Variants in DTL observed in about 807,000 individuals in gnomAD.
DTL encodes denticleless protein homolog.
DTL carries 46 observed loss-of-function variants against 87.0 expected under a neutral mutation model. The observed-to-expected ratio is 0.53, with a 90% CI of 0.42 to 0.68. The LOEUF is 0.68. Among genes scored for constraint, DTL ranks in the 30% least tolerant of loss-of-function variants. The pLI, the probability that DTL is intolerant of heterozygous loss-of-function variation, is 0.00. For synonymous variants in DTL, 308 were observed against 311.2 expected, an observed-to-expected ratio of 0.99 and a Z score of 0.11; for missense variants, 737 against 869.4, an observed-to-expected ratio of 0.85 and a Z score of 1.91.
chr1:212,064,066 A>AT (rs1654417532), intron 6 of DTL, among the ~76,000 whole-genome samples: 1 of 151,476 alleles, frequency 6.6e-6, no homozygotes, highest in Middle Eastern at 3.2e-3. Flanking sequence ...CTAGTTATGT[A>AT]TTTTTAGTAC....
chr1:212,045,797 A>C (rs1047809471), intron 3 of DTL, among the ~76,000 whole-genome samples: 1 of 152,218 alleles, frequency 6.6e-6, no homozygotes, highest in African/African-American at 2.4e-5. Context: ...GGAATAAGGT[A>C]TCGAGAACAG....
chr1:212,083,822 AAC>A (rs1655051527), intron 13 of DTL, among the ~76,000 whole-genome samples: 1 of 152,210 alleles, frequency 6.6e-6, no homozygotes, highest in Non-Finnish European at 1.5e-5. Flanking sequence ...TTACATGGTA[AAC>A]ACACAACCTT....
In DTL at chr1:212,088,594, T is replaced by A. The variant is rs569118775; in HGVS notation, c.1261+7844T>A. Among the ~76,000 whole-genome samples, 5 of 152,298 alleles carry A rather than the reference T, an allele frequency of 3.3e-5. No homozygotes were observed. In the South Asian group the frequency reaches 1.0e-3, roughly 32 times the overall value. On this transcript the variant is annotated intron_variant, in intron 13 of 14. Transcript: ENST00000366991. Reference sequence around the variant, plus strand: ...CTTCACAGTGGAGTTAACATTGTCATCAGAGCCTTGAAACATGAGAAGAAT... The same window carrying A: ...CTTCACAGTGGAGTTAACATTGTCAACAGAGCCTTGAAACATGAGAAGAAT...
At chr1:212,066,918 A>G (rs1654524056) in intron 8 of DTL, 33 bp downstream of exon 8, 1 of 1,556,350 alleles carries the variant, frequency 6.4e-7, no homozygotes, top group Non-Finnish European at 8.9e-7. Context: ...TTCCGACGAG[A>G]TCTTTTTTAT....
intron 11 of DTL, among the ~76,000 whole-genome samples, chr1:212,074,635 G>T (rs1172302385): frequency 6.6e-6 from 1 of 152,128 alleles, no homozygotes; most frequent in Non-Finnish European, 1.5e-5. Context: ...AGGTGGCTCA[G>T]TTTCTCTTTT....
intron 10 of DTL, among the ~76,000 whole-genome samples, chr1:212,071,047 G>A (rs754353404): frequency 1.3e-5 from 2 of 152,180 alleles, no homozygotes; most frequent in Non-Finnish European, 2.9e-5. Flanking sequence ...GTGATAATAG[G>A]TGTATACAAA....
chr1:212,064,816 C>A, intron 6 of DTL, 101 bp from the exon 7 acceptor site: 1 of 931,730 alleles, frequency 1.1e-6, no homozygotes, highest in Non-Finnish European at 1.7e-6. Context: ...CTAATTTCAC[C>A]AACTTGGTCA....
At chr1:212,072,328 G>A (rs1223775960) in intron 11 of DTL, 115 bp downstream of exon 11, 1 of 770,336 alleles carries the variant, frequency 1.3e-6, no homozygotes. Flanking sequence ...TCCTGCATCA[G>A]ATATTTAGTA....
At chr1:212,044,255 C>T (rs991035629) in intron 2 of DTL, among the ~76,000 whole-genome samples, 3 of 152,168 alleles carry the variant, frequency 2.0e-5, no homozygotes, top group Non-Finnish European at 4.4e-5. Context: ...CTCGATTTAG[C>T]CCTTCTCTAA....
intron 13 of DTL, among the ~76,000 whole-genome samples, chr1:212,086,876 A>G (rs1419101167): frequency 6.6e-6 from 1 of 152,154 alleles, no homozygotes; most frequent in Non-Finnish European, 1.5e-5. Flanking sequence ...CCAAAGGTGG[A>G]ATTCTTGTGT....
chr1:212,098,527 C>G (rs1655516610), intron 13 of DTL, among the ~76,000 whole-genome samples: 1 of 152,046 alleles, frequency 6.6e-6, no homozygotes, highest in Admixed American at 6.5e-5. Flanking sequence ...GAAAGACCAT[C>G]TGGTGGGGGC....
intron 13 of DTL, among the ~76,000 whole-genome samples, chr1:212,087,566 C>G (rs1000634594): frequency 6.6e-6 from 1 of 151,948 alleles, no homozygotes; most frequent in East Asian, 1.9e-4. Context: ...AAAAAAGAAC[C>G]TAGCAGAGCA....
chr1:212,062,509 T>G (rs1022025122), intron 5 of DTL, among the ~76,000 whole-genome samples: 1 of 152,212 alleles, frequency 6.6e-6, no homozygotes, highest in Non-Finnish European at 1.5e-5. Flanking sequence ...GGTACTTACC[T>G]AATAAGGTTG....
intron 3 of DTL, among the ~76,000 whole-genome samples, chr1:212,045,280 T>C (rs1571940626): frequency 6.6e-6 from 1 of 152,186 alleles, no homozygotes; most frequent in Admixed American, 6.5e-5. Flanking sequence ...GATTAAGTCT[T>C]TTTAGGGACC....
intron 11 of DTL, among the ~76,000 whole-genome samples, chr1:212,075,222 A>G (rs993567414): frequency 6.6e-6 from 1 of 152,220 alleles, no homozygotes; most frequent in African/African-American, 2.4e-5. Flanking sequence ...TCAGTACACA[A>G]AATAACTTTA....
intron 13 of DTL, among the ~76,000 whole-genome samples, chr1:212,090,220 T>A (rs1036016014): frequency 5.3e-5 from 8 of 152,198 alleles, no homozygotes; most frequent in Non-Finnish European, 1.2e-4. Flanking sequence ...ATATGGTTGA[T>A]GAGAAAAGTT....
Position 212,100,658 on chromosome 1 carries a change from C to T in DTL, c.1668C>T (p.Asp556=), listed in dbSNP as rs775265745. The change falls in exon 14 of 15, where the codon GAC becomes GAT. Residue 556 remains aspartate, a synonymous_variant. Coordinates refer to ENST00000366991, the MANE Select transcript of DTL (RefSeq NM_016448.4). ...GAAATAGAGTAAAGAGGAGGCTAGACTCAAGCTGTCTGGAGAGTGTGAAAC... is the reference window on the plus strand; with the variant it reads ...GAAATAGAGTAAAGAGGAGGCTAGATTCAAGCTGTCTGGAGAGTGTGAAAC... ...ESRNRVKRRL[D]SSCLESVKQK... is the part of the protein sequence containing the mutation. 20 of 1,614,040 alleles carry T rather than the reference C, an allele frequency of 1.2e-5. No individual in the cohort carries two copies. Among genetic ancestry groups the T allele is most frequent in the South Asian group, 2.2e-5 (2 of 91,078 alleles).
At chr1:212,062,834 T>C in intron 5 of DTL, 50 bp from the exon 6 acceptor site, 1 of 1,445,340 alleles carries the variant, frequency 6.9e-7, no homozygotes, top group Non-Finnish European at 9.7e-7. Flanking sequence ...AATATATGTG[T>C]CATTGACTGG....
At chr1:212,039,539 A>G (rs902907536) in intron 1 of DTL, among the ~76,000 whole-genome samples, 2 of 152,204 alleles carry the variant, frequency 1.3e-5, no homozygotes, top group Non-Finnish European at 2.9e-5. Flanking sequence ...GGTTTTTCAG[A>G]CAGGTGAGTT....
Sources: allele counts gnomAD v4.1 joint callset (sites outside exome capture counted in the v4.1 genomes callset), GRCh38; gene constraint gnomAD v4.1.1; transcripts MANE v1.5; gene names NCBI Gene and HGNC (gene_info 2026-07-23, HGNC 2026-07-21).